GPR89A: variants seen among roughly 807,000 people sequenced by gnomAD.
GPR89A encodes golgi pH regulator A.
GPR89A carries 16 observed loss-of-function variants against 52.0 expected under a neutral mutation model. That is an observed-to-expected ratio of 0.31 (90% CI 0.21 to 0.47). GPR89A has a LOEUF of 0.47. Among genes scored for constraint, GPR89A ranks in the 20% least tolerant of loss-of-function variants. The pLI, the probability that GPR89A is intolerant of heterozygous loss-of-function variation, is 1.00. For missense variants in GPR89A, 135 were observed against 449.4 expected, an observed-to-expected ratio of 0.30 and a Z score of 6.33; for synonymous variants, 55 against 150.9, an observed-to-expected ratio of 0.36 and a Z score of 4.66.
intron 1 of GPR89A, among the ~76,000 whole-genome samples, chr1:145,609,014 A>T (rs1648052757): frequency 6.6e-6 from 1 of 152,026 alleles, no homozygotes; most frequent in South Asian, 2.1e-4. Context: ...GTTTTTTGAG[A>T]TCCTGCCTTG....
chr1:145,608,254 C>G lies in GPR89A; in HGVS notation c.42+79C>G, dbSNP rs1485429026. On this transcript the variant is annotated intron_variant, in intron 1 of 13. Transcript: ENST00000313835. Reference sequence around the variant, plus strand: ...CCTCTCCGGTCCTCCGCGGTGCGGGCTGGTCCGGGGTCTCGCTCCTCTCTT... The same window carrying G: ...CCTCTCCGGTCCTCCGCGGTGCGGGGTGGTCCGGGGTCTCGCTCCTCTCTT... 2.8e-5 allele frequency: 45 copies of G among 1,583,668 alleles called. No homozygotes were observed. In the East Asian group the frequency reaches 9.8e-4, roughly 35 times the overall value.
chr1:145,649,980 A>AC (rs1404011676), intron 10 of GPR89A, among the ~76,000 whole-genome samples: 5 of 135,230 alleles, frequency 3.7e-5, no homozygotes, highest in African/African-American at 1.1e-4. Flanking sequence ...TCTTTTGCCA[A>AC]TTTTTTTTTA....
chr1:145,666,739 T>A (rs1479465043), intron 12 of GPR89A, among the ~76,000 whole-genome samples: 3 of 136,660 alleles, frequency 2.2e-5, no homozygotes, highest in African/African-American at 8.1e-5. Context: ...GTGTGTGATG[T>A]TCCCCTTCCT....
In GPR89A at chr1:145,612,734, C is replaced by A. The variant is rs191085098; in HGVS notation, c.43-3500C>A. 1.7e-3 allele frequency among the ~76,000 whole-genome samples: 257 copies of A among 152,134 alleles called. 2 individuals are homozygous for A. The highest frequency in any genetic ancestry group is 6.0e-3 in the African/African-American group (250 of 41,490). ...TATCAGTTTATCCTCTAGTATTCCA[C>A]CATCCTTCTCATCTTTTTCTCCTTA... On this transcript the variant is annotated intron_variant, in intron 1 of 13. Transcript: ENST00000313835.
intron 1 of GPR89A, among the ~76,000 whole-genome samples, chr1:145,615,433 TC>T (rs1201879545): frequency 2.6e-5 from 4 of 151,884 alleles, no homozygotes; most frequent in Non-Finnish European, 5.9e-5. Context: ...AGCCTCAACT[TC>T]CTAGGCTCAG....
intron 10 of GPR89A, among the ~76,000 whole-genome samples, chr1:145,660,489 A>T (rs1447128352): frequency 2.0e-5 from 3 of 151,618 alleles, no homozygotes; most frequent in Admixed American, 6.6e-5. Flanking sequence ...TCTGCACAGC[A>T]AAAGAAACTA....
intron 7 of GPR89A, among the ~76,000 whole-genome samples, chr1:145,633,975 C>G (rs1228601028): frequency 4.0e-5 from 6 of 151,492 alleles, no homozygotes; most frequent in Admixed American, 1.3e-4. Flanking sequence ...AACTATACAA[C>G]ATTAATAGAA....
At chr1:145,652,230 C>G (rs1651495439) in intron 10 of GPR89A, among the ~76,000 whole-genome samples, 1 of 149,502 alleles carries the variant, frequency 6.7e-6, no homozygotes, top group Non-Finnish European at 1.5e-5. Flanking sequence ...TATCAAAGGC[C>G]TTTTCTGTGT....
At chr1:145,647,386 A>C (rs1228285557) in intron 10 of GPR89A, 119 bp downstream of exon 10, 1 of 1,416,250 alleles carries the variant, frequency 7.1e-7, no homozygotes, top group Non-Finnish European at 9.6e-7. Context: ...GCATCAACAG[A>C]GAGCATGATC....
At chr1:145,619,811 C>T (rs1571473087) in intron 3 of GPR89A, among the ~76,000 whole-genome samples, 1 of 152,142 alleles carries the variant, frequency 6.6e-6, no homozygotes. Context: ...GTCAGGAGAT[C>T]AAGACCATCC....
chr1:145,615,070 T>TTTACTACAGA (rs1648574429), intron 1 of GPR89A, among the ~76,000 whole-genome samples: 1 of 152,228 alleles, frequency 6.6e-6, no homozygotes, highest in Admixed American at 6.5e-5. Context: ...AGTGTGTATG[T>TTTACTACAGA]ATAGAAAGTT....
chr1:145,608,439 C>A (rs1473603951), intron 1 of GPR89A: 2 of 637,788 alleles, frequency 3.1e-6, no homozygotes, highest in African/African-American at 1.8e-5. Flanking sequence ...AGCGGTCCGC[C>A]GACCTCCAGG....
At chr1:145,650,006 G>T (rs1651338320) in intron 10 of GPR89A, among the ~76,000 whole-genome samples, 2 of 146,982 alleles carry the variant, frequency 1.4e-5, no homozygotes, top group South Asian at 2.2e-4. Context: ...AAGTTCTGAG[G>T]TACATGTGCA....
intron 10 of GPR89A, among the ~76,000 whole-genome samples, chr1:145,659,605 C>G (rs1398052171): frequency 2.9e-5 from 4 of 139,668 alleles, no homozygotes; most frequent in Non-Finnish European, 4.6e-5. Context: ...TTGTTATTAA[C>G]TTTTTTATAC....
chr1:145,668,523 A>C (rs1652731344), intron 12 of GPR89A, among the ~76,000 whole-genome samples: 2 of 152,106 alleles, frequency 1.3e-5, no homozygotes, highest in Admixed American at 1.3e-4. Flanking sequence ...GCAAACAGGG[A>C]CAATTTGACT....
intron 10 of GPR89A, among the ~76,000 whole-genome samples, chr1:145,650,138 C>A (rs1481015627): frequency 3.3e-4 from 50 of 152,138 alleles, no homozygotes; most frequent in South Asian, 4.2e-4. Flanking sequence ...TCTCCCTCCC[C>A]CTCCCCGCCT....
chr1:145,625,024 T>G (rs1649395251), intron 5 of GPR89A, among the ~76,000 whole-genome samples: 1 of 151,760 alleles, frequency 6.6e-6, no homozygotes, highest in Non-Finnish European at 1.5e-5. Context: ...GAATCTGCCA[T>G]ACCTCCCACA....
rs587645417 is a variant in GPR89A at position 145,608,048 on chromosome 1, A to G, written c.-86A>G. On this transcript the variant is annotated 5_prime_UTR_variant, in exon 1 of 14. Transcript: ENST00000313835. ...CCGGCTGCAGCACCTGGGAGAAGGC[A>G]GACCGTGTGAGGGGGCCTGTGGCCC... 53 of 1,535,900 alleles carry G rather than the reference A, an allele frequency of 3.5e-5. No individual in the cohort carries two copies. The highest frequency in any genetic ancestry group is 2.4e-4 in the Admixed American group (14 of 57,996).
intron 7 of GPR89A, among the ~76,000 whole-genome samples, chr1:145,639,201 TC>T (rs1395791551): frequency 6.6e-6 from 1 of 151,894 alleles, no homozygotes; most frequent in Non-Finnish European, 1.5e-5. Flanking sequence ...ATGTTAATTC[TC>T]CCCAAATTGG....
Sources: gnomAD v4.1 joint callset for allele counts (sites outside exome capture counted in the v4.1 genomes callset) on GRCh38, gnomAD v4.1.1 for gene constraint, MANE v1.5 for transcripts, NCBI Gene and HGNC (gene_info 2026-07-23, HGNC 2026-07-21) for gene names.